The following ZBTB20 variants were observed in gnomAD, a reference collection of about 807,000 sequenced individuals.
ZBTB20 encodes zinc finger and BTB domain containing 20.
In ZBTB20, 9 loss-of-function variants were observed where a neutral mutation model predicts 56.9. The observed-to-expected ratio is 0.16, with a 90% CI of 0.10 to 0.28. The LOEUF (loss-of-function observed/expected upper bound fraction) is 0.28. ZBTB20 is among the 10% of genes least tolerant of loss of function. ZBTB20 has a pLI of 1.00. For missense variants in ZBTB20, 655 were observed against 1,003.0 expected, an observed-to-expected ratio of 0.65 and a Z score of 4.69; for synonymous variants, 417 against 420.7, an observed-to-expected ratio of 0.99 and a Z score of 0.11.
In ZBTB20 at chr3:114,910,300, C is replaced by T. The variant is rs191660756; in HGVS notation, c.-455-9958G>A. On this transcript the variant is annotated intron_variant, in intron 3 of 11. Transcript: ENST00000675478. Reference sequence around the variant, plus strand: ...ATATAAACATACACACACACATGCACGCGTGCACACACACACACACACACA... The same window carrying T: ...ATATAAACATACACACACACATGCATGCGTGCACACACACACACACACACA... Among the ~76,000 whole-genome samples the T allele has an allele frequency of 3.0e-3, 450 of 149,612 alleles. 3 individuals carry two copies. The highest frequency in any genetic ancestry group is 0.011 in the African/African-American group (425 of 39,684).
chr3:114,811,240 C>G (rs2072494675), intron 4 of ZBTB20, among the ~76,000 whole-genome samples: 1 of 152,210 alleles, frequency 6.6e-6, no homozygotes, highest in Non-Finnish European at 1.5e-5. Flanking sequence ...TTCCTGGGCT[C>G]ACTCAGGTTA....
At chr3:114,911,157 T>A (rs1384685454) in intron 3 of ZBTB20, among the ~76,000 whole-genome samples, 1 of 151,658 alleles carries the variant, frequency 6.6e-6, no homozygotes, top group African/African-American at 2.4e-5. Flanking sequence ...ACTTTGGGGC[T>A]CAAGTAGGGG....
chr3:114,510,818 A>C (rs2045274883), intron 6 of ZBTB20, among the ~76,000 whole-genome samples: 1 of 152,128 alleles, frequency 6.6e-6, no homozygotes, highest in Non-Finnish European at 1.5e-5. Flanking sequence ...AGAATGTTTA[A>C]AAAACATCCG....
chr3:115,100,671 T>G (rs1250191527), intron 1 of ZBTB20: 2 of 152,206 alleles, frequency 1.3e-5, no homozygotes, highest in East Asian at 3.8e-4. Flanking sequence ...TATGCTCCAT[T>G]ATGAGGAATG....
chr3:114,960,443 G>A (rs748620756), intron 3 of ZBTB20, among the ~76,000 whole-genome samples: 8 of 152,120 alleles, frequency 5.3e-5, no homozygotes, highest in East Asian at 1.9e-4. Flanking sequence ...GACTCCCTAC[G>A]TACTACAGAT....
intron 5 of ZBTB20, among the ~76,000 whole-genome samples, chr3:114,698,496 G>T (rs10934276): frequency 0.78 from 118,145 of 152,008 alleles, 47,156 homozygotes; most frequent in Non-Finnish European, 0.88. Context: ...TTCCCAAAGC[G>T]TGGACCAGAA....
At chr3:115,052,960 T>G (rs1252984681) in intron 2 of ZBTB20, among the ~76,000 whole-genome samples, 3 of 152,178 alleles carry the variant, frequency 2.0e-5, no homozygotes, top group Admixed American at 2.0e-4. Flanking sequence ...AATCAAACTC[T>G]CTGGTCATTC....
chr3:114,851,882 C>T (rs1383916915), intron 4 of ZBTB20, among the ~76,000 whole-genome samples: 1 of 151,994 alleles, frequency 6.6e-6, no homozygotes, highest in Admixed American at 6.5e-5. Context: ...GCCTCTTAAG[C>T]AAAAAATTAA....
At chr3:114,958,779 C>G (rs907434392) in intron 3 of ZBTB20, among the ~76,000 whole-genome samples, 14 of 149,030 alleles carry the variant, frequency 9.4e-5, no homozygotes, top group Non-Finnish European at 1.9e-4. Context: ...AACTAGGAAG[C>G]GGAAGAAGTT....
intron 6 of ZBTB20, among the ~76,000 whole-genome samples, chr3:114,542,579 A>G (rs970106117): frequency 6.6e-5 from 10 of 152,158 alleles, no homozygotes; most frequent in African/African-American, 2.2e-4. Flanking sequence ...AGGTTGTGGG[A>G]GAAAGTGTTT....
chr3:115,006,474 T>C (rs2079477782), intron 2 of ZBTB20, among the ~76,000 whole-genome samples: 1 of 151,488 alleles, frequency 6.6e-6, no homozygotes, highest in Admixed American at 6.6e-5. Flanking sequence ...TATATATATA[T>C]ATATATAACC....
intron 1 of ZBTB20, among the ~76,000 whole-genome samples, chr3:115,135,777 AATTAT>A (rs760194178): frequency 9.9e-5 from 15 of 152,188 alleles, no homozygotes; most frequent in East Asian, 1.9e-4. Flanking sequence ...AGAGCTAAGT[AATTAT>A]ATTATATTAT....
chr3:114,899,496 T>C (rs1475056985), intron 4 of ZBTB20, among the ~76,000 whole-genome samples: 2 of 152,026 alleles, frequency 1.3e-5, no homozygotes, highest in Non-Finnish European at 1.5e-5. Context: ...GAAGTTGGCA[T>C]ACACATTATC....
intron 3 of ZBTB20, among the ~76,000 whole-genome samples, chr3:114,944,540 C>T (rs151013112): frequency 1.4e-5 from 2 of 145,670 alleles, no homozygotes; most frequent in East Asian, 1.9e-4. Context: ...CCACATTCAT[C>T]GTAGCATTAT....
chr3:114,806,681 A>C (rs530445771), intron 4 of ZBTB20, among the ~76,000 whole-genome samples: 9 of 152,136 alleles, frequency 5.9e-5, no homozygotes, highest in Non-Finnish European at 5.9e-5. Context: ...ACCCAAAGTC[A>C]TGAAGATTTT....
At chr3:114,722,975 G>A (rs1338950076) in intron 5 of ZBTB20, among the ~76,000 whole-genome samples, 1 of 152,118 alleles carries the variant, frequency 6.6e-6, no homozygotes, top group Non-Finnish European at 1.5e-5. Flanking sequence ...CTAAAGTCCA[G>A]GGCAGGATTA....
At chr3:114,437,378 C>A (rs2090590801) in intron 7 of ZBTB20, among the ~76,000 whole-genome samples, 1 of 152,128 alleles carries the variant, frequency 6.6e-6, no homozygotes, top group African/African-American at 2.4e-5. Context: ...GTGAGAGTAG[C>A]TTAATCTCAT....
At chr3:114,887,576 G>A (rs930033052) in intron 4 of ZBTB20, among the ~76,000 whole-genome samples, 1 of 152,150 alleles carries the variant, frequency 6.6e-6, no homozygotes, top group African/African-American at 2.4e-5. Flanking sequence ...AGAGTTTGAC[G>A]TCATAGTGCC....
At chr3:114,824,251 A>G (rs923009627) in intron 4 of ZBTB20, among the ~76,000 whole-genome samples, 29 of 152,140 alleles carry the variant, frequency 1.9e-4, no homozygotes, top group African/African-American at 7.0e-4. Flanking sequence ...TGGGTTTTAC[A>G]TTTGTGTTTA....
Sources: allele counts gnomAD v4.1 joint callset (sites outside exome capture counted in the v4.1 genomes callset), GRCh38; gene constraint gnomAD v4.1.1; transcripts MANE v1.5; gene names NCBI Gene and HGNC (gene_info 2026-07-23, HGNC 2026-07-21).